Variants in SCAPER observed in about 807,000 individuals in gnomAD.
SCAPER encodes the protein S-phase cyclin A associated protein in the ER.
A neutral mutation model predicts 182.2 loss-of-function variants in SCAPER; 98 were observed. That is an observed-to-expected ratio of 0.54 (90% confidence interval 0.46 to 0.64). The LOEUF (loss-of-function observed/expected upper bound fraction) is 0.64, where lower values mean the gene tolerates loss of function less well. Among genes scored for constraint, SCAPER ranks in the 30% least tolerant of loss-of-function variants. SCAPER has a pLI of 0.00. For synonymous variants in SCAPER, 605 were observed against 564.6 expected, an observed-to-expected ratio of 1.07 and a Z score of -1.01; for missense variants, 1,432 against 1,690.0, an observed-to-expected ratio of 0.85 and a Z score of 2.68.
At chr15:76,722,867 T>TA (rs1033587144) in intron 17 of SCAPER, among the ~76,000 whole-genome samples, 61 of 152,234 alleles carry the variant, frequency 4.0e-4, no homozygotes, top group African/African-American at 1.3e-3. Flanking sequence ...GCTGATCTTT[T>TA]AAAAAAACAG....
At chr15:76,627,014 C>T (rs935996708) in intron 21 of SCAPER, among the ~76,000 whole-genome samples, 1 of 151,866 alleles carries the variant, frequency 6.6e-6, no homozygotes, top group Non-Finnish European at 1.5e-5. Context: ...TTCAAATATA[C>T]TGTCACAATT....
At chr15:76,521,793 A>C (rs2042858489) in intron 23 of SCAPER, among the ~76,000 whole-genome samples, 1 of 152,152 alleles carries the variant, frequency 6.6e-6, no homozygotes, top group Non-Finnish European at 1.5e-5. Flanking sequence ...AAATGTATTA[A>C]ATTTGTTTAA....
chr15:76,506,336 C>A (rs567384636), intron 23 of SCAPER, among the ~76,000 whole-genome samples: 2 of 152,066 alleles, frequency 1.3e-5, no homozygotes, highest in Admixed American at 6.6e-5. Flanking sequence ...GATTATTAAG[C>A]ATTGTATGCC....
intron 20 of SCAPER, among the ~76,000 whole-genome samples, chr15:76,697,136 T>C (rs939520522): frequency 8.5e-5 from 13 of 152,136 alleles, no homozygotes. Flanking sequence ...GTGTATATAA[T>C]ATAAAGACAT....
At chr15:76,769,648 TA>T (rs199753865) in intron 10 of SCAPER, among the ~76,000 whole-genome samples, 11,476 of 152,102 alleles carry the variant, frequency 0.075, 490 homozygotes, top group Middle Eastern at 0.11. Flanking sequence ...CGGCGATCAT[TA>T]AAAAGTCAGG....
intron 20 of SCAPER, among the ~76,000 whole-genome samples, chr15:76,673,530 C>T (rs962386422): frequency 1.3e-5 from 2 of 152,076 alleles, no homozygotes; most frequent in African/African-American, 2.4e-5. Context: ...ATTCTATCAT[C>T]TCTTCTGTCC....
intron 25 of SCAPER, among the ~76,000 whole-genome samples, chr15:76,457,354 C>T (rs895295454): frequency 1.3e-5 from 2 of 152,194 alleles, no homozygotes; most frequent in East Asian, 3.8e-4. Context: ...TGAGCCACCA[C>T]GCACAGCTGG....
intron 22 of SCAPER, among the ~76,000 whole-genome samples, chr15:76,615,780 AT>A (rs1367898756): frequency 1.3e-5 from 2 of 149,116 alleles, no homozygotes; most frequent in African/African-American, 5.0e-5. Flanking sequence ...AGATCCCACC[AT>A]TGCACTCCAG....
chr15:76,538,910 T>C (rs990258207), intron 23 of SCAPER, among the ~76,000 whole-genome samples: 2 of 152,094 alleles, frequency 1.3e-5, no homozygotes, highest in African/African-American at 4.8e-5. Flanking sequence ...ACATGAAGAC[T>C]GATGCCTGCA....
intron 5 of SCAPER, among the ~76,000 whole-genome samples, chr15:76,826,480 T>G (rs1244195267): frequency 6.7e-6 from 1 of 149,706 alleles, no homozygotes; most frequent in Non-Finnish European, 1.5e-5. Flanking sequence ...AGTGAGTGGG[T>G]GCAGCGCACC....
chr15:76,389,546 G>A (rs1293741089), intron 27 of SCAPER, among the ~76,000 whole-genome samples: 6 of 136,666 alleles, frequency 4.4e-5, no homozygotes, highest in Non-Finnish European at 9.2e-5. Context: ...GGGCGCGGTG[G>A]CTCACACCTG....
At chr15:76,850,703 T>C (rs1398831802) in intron 4 of SCAPER, among the ~76,000 whole-genome samples, 1 of 151,218 alleles carries the variant, frequency 6.6e-6, no homozygotes, top group Non-Finnish European at 1.5e-5. Context: ...TCTACAAAAA[T>C]ACAAAAATCA....
chr15:76,633,976 G>A (rs1317949726), intron 21 of SCAPER, among the ~76,000 whole-genome samples: 1 of 152,196 alleles, frequency 6.6e-6, no homozygotes, highest in Admixed American at 6.5e-5. Flanking sequence ...TGGAGTGGAT[G>A]GATCTCCTGC....
intron 1 of SCAPER, among the ~76,000 whole-genome samples, chr15:76,885,919 G>A (rs1031723004): frequency 6.6e-6 from 1 of 152,156 alleles, no homozygotes; most frequent in Admixed American, 6.5e-5. Context: ...ATAGACACAG[G>A]CTGATTTCAT....
intron 24 of SCAPER, among the ~76,000 whole-genome samples, chr15:76,472,752 T>C (rs1159861267): frequency 3.3e-5 from 5 of 152,186 alleles, no homozygotes; most frequent in Non-Finnish European, 7.3e-5. Flanking sequence ...TGATGCTGGA[T>C]TGATGTGGGG....
chr15:76,373,644 TA>T (rs1451142755), intron 29 of SCAPER, among the ~76,000 whole-genome samples: 1 of 152,216 alleles, frequency 6.6e-6, no homozygotes, highest in Non-Finnish European at 1.5e-5. Flanking sequence ...ACAGGGTCTG[TA>T]AAAGGGGAAC....
At chr15:76,806,659 G>A (rs915204604) in intron 5 of SCAPER, among the ~76,000 whole-genome samples, 1 of 152,108 alleles carries the variant, frequency 6.6e-6, no homozygotes, top group South Asian at 2.1e-4. Context: ...TTAACACTAT[G>A]AAGTCTTCTG....
chr15:76,487,795 T>C (rs2051805146), intron 24 of SCAPER, among the ~76,000 whole-genome samples: 2 of 152,202 alleles, frequency 1.3e-5, no homozygotes, highest in African/African-American at 4.8e-5. Context: ...CTTAGGCCCT[T>C]GGTATCTTGA....
chr15:76,693,033 T>C (rs1034505005), intron 20 of SCAPER, among the ~76,000 whole-genome samples: 26 of 152,178 alleles, frequency 1.7e-4, no homozygotes, highest in African/African-American at 4.8e-4. Flanking sequence ...CCCAGTATGA[T>C]AGATTTATCT....
Sources: gnomAD v4.1 joint callset for allele counts (sites outside exome capture counted in the v4.1 genomes callset) on GRCh38, gnomAD v4.1.1 for gene constraint, MANE v1.5 for transcripts, NCBI Gene and HGNC (gene_info 2026-07-23, HGNC 2026-07-21) for gene names.